Variants in FTO observed in about 807,000 individuals in gnomAD.
FTO encodes alpha-ketoglutarate-dependent dioxygenase FTO.
In FTO, 47 loss-of-function variants were observed where a neutral mutation model predicts 63.9. That is an observed-to-expected ratio of 0.74 (90% CI 0.58 to 0.94). The LOEUF (loss-of-function observed/expected upper bound fraction) is 0.94. Among genes scored for constraint, FTO ranks in the 40% least tolerant of loss-of-function variants. The probability of loss-of-function intolerance (pLI) is 0.00; values close to 1 mark genes in which losing one functional copy is unlikely to be tolerated. For synonymous variants in FTO, 207 were observed against 224.4 expected (o/e 0.92, Z 0.69); for missense variants, 562 against 618.1 (o/e 0.91, Z 0.96).
At chr16:53,756,796 A>G (rs576385229) in intron 1 of FTO, among the ~76,000 whole-genome samples, 2 of 152,314 alleles carry the variant, frequency 1.3e-5, no homozygotes, top group South Asian at 4.1e-4. Context: ...TGTTCACATG[A>G]GTAGAAGTCC....
At chr16:54,107,502 T>C (rs1274909611) in intron 8 of FTO, among the ~76,000 whole-genome samples, 2 of 152,212 alleles carry the variant, frequency 1.3e-5, no homozygotes, top group African/African-American at 4.8e-5. Flanking sequence ...GAAATACTAT[T>C]TGAAACAAAA....
chr16:53,911,498 G>A, intron 7 of FTO: 1 of 703,018 alleles, frequency 1.4e-6, no homozygotes, highest in African/African-American at 1.7e-5. Flanking sequence ...AGGACAGGAG[G>A]ACAAGGTGGG....
At chr16:53,866,574 AT>A (rs2080322483) in intron 4 of FTO, among the ~76,000 whole-genome samples, 1 of 152,088 alleles carries the variant, frequency 6.6e-6, no homozygotes, top group African/African-American at 2.4e-5. Context: ...CATATTATTC[AT>A]TTCTTCTTGT....
chr16:53,708,823 T>G (rs1215407296), intron 1 of FTO, among the ~76,000 whole-genome samples: 2 of 152,226 alleles, frequency 1.3e-5, no homozygotes, highest in Non-Finnish European at 2.9e-5. Context: ...ATATCTTCTT[T>G]TGTGAAGTGT....
Position 53,845,702 on chromosome 16 carries a change from C to T in FTO, c.895+1404C>T, listed in dbSNP as rs551808457. On this transcript the variant is annotated intron_variant, in intron 4 of 8. Coordinates refer to ENST00000471389, the MANE Select transcript of FTO (RefSeq NM_001080432.3). ...CTAAGGGCCTGCTACTTTTGTTTGCCGGAGATCCTGAGTCTGAGTCCTATT... is the reference window on the plus strand; with the variant it reads ...CTAAGGGCCTGCTACTTTTGTTTGCTGGAGATCCTGAGTCTGAGTCCTATT... Among the ~76,000 whole-genome samples, 13 of 152,188 alleles carry T rather than the reference C, an allele frequency of 8.5e-5. 1 individual carries two copies. In the South Asian group the frequency reaches 2.1e-3, roughly 24 times the overall value.
intron 3 of FTO, among the ~76,000 whole-genome samples, chr16:53,840,096 C>T (rs1438984691): frequency 2.0e-5 from 3 of 152,052 alleles, no homozygotes; most frequent in African/African-American, 2.4e-5. Context: ...AGCCACCACA[C>T]CTGGGCCTTT....
intron 1 of FTO, among the ~76,000 whole-genome samples, chr16:53,733,734 G>A (rs939733140): frequency 6.6e-6 from 1 of 152,152 alleles, no homozygotes; most frequent in Non-Finnish European, 1.5e-5. Context: ...ACATTTCTAG[G>A]TGTCTCAGAA....
In FTO at chr16:53,898,209, CCT is replaced by C. The variant is rs375189179; in HGVS notation, c.1239+9261_1239+9262del. Among the ~76,000 whole-genome samples, 569 of 152,150 alleles carry C rather than the reference CCT, an allele frequency of 3.7e-3. 2 individuals are homozygous for C. Among genetic ancestry groups the C allele is most frequent in the African/African-American group, 0.013 (535 of 41,516 alleles). ...TTCCTCGACCTCCATCAGTGCTCCC[CCT>C]CTTTCCCTCCCCTAATGTCTGCCTT... On this transcript the variant is annotated intron_variant, in intron 7 of 8. Coordinates refer to ENST00000471389, the MANE Select transcript of FTO (RefSeq NM_001080432.3).
intron 3 of FTO, among the ~76,000 whole-genome samples, chr16:53,835,214 C>G (rs1446171042): frequency 2.0e-5 from 3 of 152,216 alleles, no homozygotes; most frequent in African/African-American, 4.8e-5. Context: ...CTGCTCCAAT[C>G]TGGTGTTCTA....
rs186571024 is a variant in FTO at position 53,819,400 on chromosome 16, C to G, written c.124-6464C>G. ...TTGCCCAGGCTAGTCTCGAGCTCGT[C>G]AGCTCAAGCAATACACCCGCCTGAG... is the stretch of plus-strand genomic sequence containing the variant. On this transcript the variant is annotated intron_variant, in intron 2 of 8. Transcript: ENST00000471389. 1.7e-3 allele frequency among the ~76,000 whole-genome samples: 265 copies of G among 152,246 alleles called. 1 individual carries two copies. The highest frequency in any genetic ancestry group is 3.2e-3 in the Non-Finnish European group (215 of 68,010).
At chr16:54,073,251 C>T (rs2085911238) in intron 8 of FTO, among the ~76,000 whole-genome samples, 1 of 152,102 alleles carries the variant, frequency 6.6e-6, no homozygotes, top group Non-Finnish European at 1.5e-5. Context: ...CAAATGGAAT[C>T]CAACAGGAAA....
chr16:54,073,077 T>C (rs1242234517), intron 8 of FTO, among the ~76,000 whole-genome samples: 2 of 152,190 alleles, frequency 1.3e-5, no homozygotes, highest in Middle Eastern at 3.2e-3. Context: ...AGGCACATAG[T>C]AGGTTCTCAA....
chr16:53,770,716 G>A (rs1368735976), intron 1 of FTO, among the ~76,000 whole-genome samples: 1 of 151,954 alleles, frequency 6.6e-6, no homozygotes, highest in Non-Finnish European at 1.5e-5. Flanking sequence ...GAATGATACT[G>A]CATTGAATAA....
intron 7 of FTO, among the ~76,000 whole-genome samples, chr16:53,906,837 C>G (rs975656052): frequency 6.6e-6 from 1 of 152,136 alleles, no homozygotes; most frequent in Non-Finnish European, 1.5e-5. Context: ...CAGCACCACT[C>G]CACATCCAGG....
At chr16:53,966,648 G>A (rs1040702816) in intron 8 of FTO, among the ~76,000 whole-genome samples, 1 of 152,176 alleles carries the variant, frequency 6.6e-6, no homozygotes, top group Non-Finnish European at 1.5e-5. Flanking sequence ...CCCTTTTAAA[G>A]TAAATTTTCT....
intron 8 of FTO, among the ~76,000 whole-genome samples, chr16:54,036,418 A>G (rs964916379): frequency 2.0e-5 from 3 of 152,182 alleles, no homozygotes; most frequent in African/African-American, 2.4e-5. Context: ...GGGCCCTAAC[A>G]GTGAGCTCAG....
chr16:53,864,981 T>C (rs1404416007), intron 4 of FTO, among the ~76,000 whole-genome samples: 2 of 152,196 alleles, frequency 1.3e-5, no homozygotes, highest in South Asian at 4.1e-4. Flanking sequence ...GTATACCTTC[T>C]AGTGTTGTGT....
At chr16:53,764,836 C>T (rs146214564) in intron 1 of FTO, among the ~76,000 whole-genome samples, 26 of 152,218 alleles carry the variant, frequency 1.7e-4, no homozygotes, top group African/African-American at 5.8e-4. Context: ...TCTTGTGCCT[C>T]AGCCTCCCGA....
chr16:53,947,708 C>T (rs966859792), intron 8 of FTO, among the ~76,000 whole-genome samples: 1 of 152,200 alleles, frequency 6.6e-6, no homozygotes, highest in Non-Finnish European at 1.5e-5. Context: ...TTTCCTCACA[C>T]GAAGTCTAAG....
Sources: gnomAD v4.1 joint callset for allele counts (sites outside exome capture counted in the v4.1 genomes callset) on GRCh38, gnomAD v4.1.1 for gene constraint, MANE v1.5 for transcripts, NCBI Gene and HGNC (gene_info 2026-07-23, HGNC 2026-07-21) for gene names.